The following PTPRG variants were observed in gnomAD, a reference collection of about 807,000 sequenced individuals.
The protein encoded by PTPRG is receptor-type tyrosine-protein phosphatase gamma.
A neutral mutation model predicts 165.3 loss-of-function variants in PTPRG; 102 were observed. The observed-to-expected ratio is 0.62, with a 90% CI of 0.53 to 0.73. The LOEUF (loss-of-function observed/expected upper bound fraction) is 0.73, where lower values mean the gene tolerates loss of function less well. Among genes scored for constraint, PTPRG ranks in the 30% least tolerant of loss-of-function variants. PTPRG has a pLI of 0.00. For missense variants in PTPRG, 1,866 were observed against 1,861.4 expected (o/e 1.00, Z -0.05); for synonymous variants, 675 against 669.5 (o/e 1.01, Z -0.13).
intron 5 of PTPRG, among the ~76,000 whole-genome samples, chr3:62,120,299 G>A (rs1016065013): frequency 9.1e-5 from 8 of 87,778 alleles, no homozygotes; most frequent in African/African-American, 2.4e-4. Context: ...GCAGAGAAGT[G>A]GTGGTCATAT....
chr3:62,046,418 T>C (rs900868639), intron 4 of PTPRG, among the ~76,000 whole-genome samples: 1 of 152,200 alleles, frequency 6.6e-6, no homozygotes, highest in Non-Finnish European at 1.5e-5. Flanking sequence ...AATAGCAGTA[T>C]ATAATGGAGG....
intron 1 of PTPRG, among the ~76,000 whole-genome samples, chr3:61,698,622 T>C (rs953044118): frequency 6.6e-5 from 10 of 152,184 alleles, no homozygotes; most frequent in Non-Finnish European, 1.5e-4. Context: ...TCAGATCTCC[T>C]TTATACTCTT....
chr3:62,257,737 T>C (rs1436402148), intron 16 of PTPRG, among the ~76,000 whole-genome samples: 2 of 152,130 alleles, frequency 1.3e-5, no homozygotes, highest in African/African-American at 4.8e-5. Context: ...GGAGGATCGC[T>C]TGAGATCAGG....
chr3:62,163,580 T>G, intron 7 of PTPRG, among the ~76,000 whole-genome samples: 1 of 152,196 alleles, frequency 6.6e-6, no homozygotes, highest in Non-Finnish European at 1.5e-5. Context: ...GTCATAGGTT[T>G]GATAAATATA....
chr3:61,650,901 C>G (rs534988790), intron 1 of PTPRG, among the ~76,000 whole-genome samples: 1 of 152,092 alleles, frequency 6.6e-6, no homozygotes, highest in South Asian at 2.1e-4. Context: ...TTTTTACTAC[C>G]AATAAAAGTT....
At chr3:61,733,639 G>T (rs1370672732) in intron 1 of PTPRG, among the ~76,000 whole-genome samples, 1 of 152,168 alleles carries the variant, frequency 6.6e-6, no homozygotes. Flanking sequence ...TTTAGGAATG[G>T]ATTTATTTCT....
intron 8 of PTPRG, among the ~76,000 whole-genome samples, chr3:62,178,174 G>A (rs1169103612): frequency 6.6e-6 from 1 of 151,742 alleles, no homozygotes; most frequent in African/African-American, 2.4e-5. Flanking sequence ...TGGATGGATG[G>A]ATGGATGGAT....
At chr3:61,604,063 G>C (rs1053868793) in intron 1 of PTPRG, among the ~76,000 whole-genome samples, 2 of 152,156 alleles carry the variant, frequency 1.3e-5, no homozygotes, top group African/African-American at 4.8e-5. Context: ...CCCAGCTCAT[G>C]CCTGTAATCC....
chr3:61,562,233 C>CTTATTCAA lies in PTPRG; in HGVS notation c.-54_-47dup. 6.6e-7 allele frequency: 1 copy of CTTATTCAA among 1,520,378 alleles called. No homozygotes were observed. The highest frequency in any genetic ancestry group is 9.1e-7 in the Non-Finnish European group (1 of 1,096,808). The allele number at this position is 1,520,378 out of a possible 1,614,324, so 94.2% of individuals were successfully genotyped here. Reference sequence around the variant, plus strand: ...GCGGAGGCTCGCACGGAGGCAAGAACTTATTCAACAAGTTTACCTCCCTGC... The same window carrying CTTATTCAA: ...GCGGAGGCTCGCACGGAGGCAAGAACTTATTCAATTATTCAACAAGTTTACCTCCCTGC... On this transcript the variant is annotated 5_prime_UTR_variant, in exon 1 of 30. Coordinates refer to ENST00000474889, the MANE Select transcript of PTPRG (RefSeq NM_002841.4).
At chr3:61,817,023 T>C (rs1037843862) in intron 2 of PTPRG, among the ~76,000 whole-genome samples, 1 of 130,398 alleles carries the variant, frequency 7.7e-6, no homozygotes, top group South Asian at 2.2e-4. Flanking sequence ...ATATACTATA[T>C]AATATATAGT....
chr3:62,132,779 C>A, intron 6 of PTPRG, 111 bp downstream of exon 6: 1 of 988,478 alleles, frequency 1.0e-6, no homozygotes, highest in Non-Finnish European at 1.6e-6. Context: ...ATTCCTCATC[C>A]CCTGATGTTG....
intron 4 of PTPRG, among the ~76,000 whole-genome samples, chr3:62,076,031 G>C (rs962275577): frequency 6.6e-6 from 1 of 152,124 alleles, no homozygotes; most frequent in Non-Finnish European, 1.5e-5. Flanking sequence ...ATCTCAACAC[G>C]TTGGGAGGCC....
intron 6 of PTPRG, among the ~76,000 whole-genome samples, chr3:62,154,751 A>T (rs1336857102): frequency 6.6e-6 from 1 of 151,088 alleles, no homozygotes; most frequent in Admixed American, 6.6e-5. Context: ...TGAGGGGAAA[A>T]CTCTTCTGAT....
intron 2 of PTPRG, among the ~76,000 whole-genome samples, chr3:61,953,124 G>T (rs1230263452): frequency 6.6e-6 from 1 of 152,048 alleles, no homozygotes; most frequent in African/African-American, 2.4e-5. Context: ...ACCTACTGCT[G>T]TCTCTACTCA....
intron 16 of PTPRG, among the ~76,000 whole-genome samples, chr3:62,259,109 T>C (rs1232387318): frequency 1.3e-5 from 2 of 152,228 alleles, no homozygotes; most frequent in Non-Finnish European, 2.9e-5. Flanking sequence ...TTGGGCTGGT[T>C]GTTCATCTTA....
At chr3:62,028,690 C>G (rs1024550094) in intron 4 of PTPRG, among the ~76,000 whole-genome samples, 1 of 152,168 alleles carries the variant, frequency 6.6e-6, no homozygotes, top group African/African-American at 2.4e-5. Context: ...TCAGCCTAAA[C>G]ATAAAAAGAT....
At chr3:61,576,470 C>G (rs1452679361) in intron 1 of PTPRG, among the ~76,000 whole-genome samples, 1 of 152,184 alleles carries the variant, frequency 6.6e-6, no homozygotes, top group Admixed American at 6.5e-5. Context: ...AGTTTTTCTA[C>G]AGAGGAATTG....
At chr3:61,987,194 G>T (rs1418981368) in intron 2 of PTPRG, among the ~76,000 whole-genome samples, 1 of 152,318 alleles carries the variant, frequency 6.6e-6, no homozygotes, top group African/African-American at 2.4e-5. Flanking sequence ...GAAGCATGAA[G>T]TACTCCAAAG....
chr3:61,648,581 TTGAG>T (rs1485516402), intron 1 of PTPRG, among the ~76,000 whole-genome samples: 2 of 152,240 alleles, frequency 1.3e-5, no homozygotes, highest in Non-Finnish European at 2.9e-5. Context: ...TGCAGGGTGT[TTGAG>T]TGGGGTGACC....
Sources: allele counts gnomAD v4.1 joint callset (sites outside exome capture counted in the v4.1 genomes callset), GRCh38; gene constraint gnomAD v4.1.1; transcripts MANE v1.5; gene names NCBI Gene and HGNC (gene_info 2026-07-23, HGNC 2026-07-21).